The following HIP1 variants were observed in gnomAD, a reference collection of about 807,000 sequenced individuals.
HIP1 encodes the protein huntingtin interacting protein 1.
A neutral mutation model predicts 147.6 loss-of-function variants in HIP1; 65 were observed. The ratio of observed to expected loss-of-function variants is 0.44; its 90% CI spans 0.36 to 0.54. The LOEUF (loss-of-function observed/expected upper bound fraction) is 0.54, where lower values mean the gene tolerates loss of function less well. Among genes scored for constraint, HIP1 ranks in the 20% least tolerant of loss-of-function variants. The pLI is 0.00. For synonymous variants in HIP1, 479 were observed against 504.0 expected (o/e 0.95, Z 0.67); for missense variants, 1,061 against 1,299.6 (o/e 0.82, Z 2.82).
Position 75,706,620 on chromosome 7 carries a change from G to A in HIP1, c.120+32181C>T, listed in dbSNP as rs763534478. Among the ~76,000 whole-genome samples the A allele has an allele frequency of 3.9e-4, 47 of 122,056 alleles. 1 individual carries two copies. Among genetic ancestry groups the A allele is most frequent in the Non-Finnish European group, 6.5e-4 (40 of 61,350 alleles). The allele number at this position is 122,056 out of a possible 152,430, so 80.1% of individuals were successfully genotyped here. On this transcript the variant is annotated intron_variant, in intron 1 of 30. Coordinates refer to ENST00000336926, the MANE Select transcript of HIP1 (RefSeq NM_005338.7). ...GTTGGTTTCCTACACCCATCAACTC[G>A]TCATTTTTTTTTTTTTTTTTTTTTA...
intron 22 of HIP1, among the ~76,000 whole-genome samples, chr7:75,551,958 T>C (rs1202059777): frequency 4.0e-5 from 6 of 151,842 alleles, no homozygotes; most frequent in African/African-American, 1.5e-4. Flanking sequence ...GGCACGATCT[T>C]AGCTCACTGC....
intron 19 of HIP1, 103 bp from the exon 20 acceptor site, chr7:75,554,629 T>C (rs1794921548): frequency 5.2e-6 from 4 of 775,198 alleles, no homozygotes; most frequent in South Asian, 3.0e-5. Flanking sequence ...TGGGTAAGCT[T>C]CCTGCCTAGA....
intron 1 of HIP1, among the ~76,000 whole-genome samples, chr7:75,661,656 C>T (rs1320593550): frequency 1.3e-5 from 2 of 151,056 alleles, no homozygotes; most frequent in Non-Finnish European, 2.9e-5. Flanking sequence ...GGAGTGGGTC[C>T]AGTCCTGCCG....
At chr7:75,715,460 G>C (rs530079541) in intron 1 of HIP1, among the ~76,000 whole-genome samples, 2,017 of 90,280 alleles carry the variant, frequency 0.022, 20 homozygotes, top group African/African-American at 0.071. Context: ...GACACACACA[G>C]AGAGAGAGAG....
At chr7:75,712,866 TCA>T (rs1801202191) in intron 1 of HIP1, among the ~76,000 whole-genome samples, 2 of 152,230 alleles carry the variant, frequency 1.3e-5, no homozygotes, top group Non-Finnish European at 2.9e-5. Context: ...CTTCATTCAC[TCA>T]CTCATTCATT....
intron 1 of HIP1, among the ~76,000 whole-genome samples, chr7:75,680,906 G>T (rs1418275590): frequency 6.6e-6 from 1 of 152,132 alleles, no homozygotes; most frequent in Non-Finnish European, 1.5e-5. Flanking sequence ...CTCCCGAGTA[G>T]CTGGGACTAC....
chr7:75,581,177 G>A lies in HIP1; in HGVS notation c.604+60C>T. On this transcript the variant is annotated intron_variant, in intron 7 of 30. Coordinates refer to ENST00000336926, the MANE Select transcript of HIP1 (RefSeq NM_005338.7). ...TGCTGCACACTTTGCAGGGAGAGGA[G>A]GACTAGGAATTAGGTAGTTCCCATG... The A allele has an allele frequency of 2.3e-6, 3 of 1,278,816 alleles. No homozygotes were observed. In the South Asian group the frequency reaches 3.7e-5, roughly 16 times the overall value. 79.2% of individuals were successfully genotyped at this position (1,278,816 alleles called of 1,614,324 possible).
At chr7:75,679,828 C>A (rs772484927) in intron 1 of HIP1, among the ~76,000 whole-genome samples, 3 of 152,136 alleles carry the variant, frequency 2.0e-5, no homozygotes, top group Non-Finnish European at 2.9e-5. Context: ...ACGTCCATCT[C>A]TCTGACCTCC....
chr7:75,553,376 CA>C, intron 22 of HIP1, 76 bp downstream of exon 22: 2 of 1,523,660 alleles, frequency 1.3e-6, no homozygotes, highest in Non-Finnish European at 1.8e-6. Flanking sequence ...CTCAGAACAT[CA>C]CCGATTCCCT....
intron 1 of HIP1, among the ~76,000 whole-genome samples, chr7:75,688,461 G>A (rs562235653): frequency 1.3e-5 from 2 of 152,076 alleles, no homozygotes; most frequent in Non-Finnish European, 1.5e-5. Flanking sequence ...GGAGCCCCTC[G>A]ACGGGTGGGG....
At chr7:75,640,754 ATAATAAT>A (rs1361620110) in intron 1 of HIP1, among the ~76,000 whole-genome samples, 3 of 125,832 alleles carry the variant, frequency 2.4e-5, no homozygotes, top group African/African-American at 5.8e-5. Context: ...CTCCATCTCA[ATAATAAT>A]AATAATAATA....
In HIP1 at chr7:75,541,938, C is replaced by A. The variant is rs781980080; in HGVS notation, c.2933G>T (p.Arg978Leu). 6 of 1,613,500 alleles carry A rather than the reference C, an allele frequency of 3.7e-6. No individual in the cohort carries two copies. The highest frequency in any genetic ancestry group is 4.2e-6 in the Non-Finnish European group (5 of 1,179,454). ...FSSMTLTQIK[R>L]QEMDSQVRVL... The stretch of plus-strand genomic sequence containing the variant: ...TCTCACCTGAGAATCCATCTCTTGG[C>A]GTTTGATCTGTGTCAGCGTCATGCT... The change falls in exon 29 of 31, where the codon CGC (arginine) becomes CTC (leucine). Residue 978 changes from arginine to leucine, a missense_variant. Arg to Leu is a moderately radical substitution (Grantham distance 102). Around this residue, in one of 3 missense-constraint regions of HIP1, gnomAD observed 810 missense variants for 946.8 expected, o/e 0.86. Coordinates refer to ENST00000336926, the MANE Select transcript of HIP1 (RefSeq NM_005338.7).
chr7:75,553,760 T>C (rs587654682), intron 21 of HIP1, among the ~76,000 whole-genome samples, 171 bp from the exon 22 acceptor site: 167 of 152,270 alleles, frequency 1.1e-3, no homozygotes, highest in African/African-American at 3.8e-3. Context: ...TGCGCCACCA[T>C]GCCCGGCTAA....
intron 1 of HIP1, among the ~76,000 whole-genome samples, chr7:75,651,236 G>A (rs924676038): frequency 1.3e-5 from 2 of 151,706 alleles, no homozygotes; most frequent in African/African-American, 2.4e-5. Flanking sequence ...GAGGCAGGCC[G>A]ATCACGAGGT....
chr7:75,654,428 GATTC>G (rs1381361015), intron 1 of HIP1: 1 of 152,220 alleles, frequency 6.6e-6, no homozygotes, highest in Non-Finnish European at 1.5e-5. Context: ...TCACATGTCT[GATTC>G]ATTCATCAAA....
intron 19 of HIP1, among the ~76,000 whole-genome samples, chr7:75,555,003 C>T (rs1414214230): frequency 1.3e-5 from 2 of 151,938 alleles, no homozygotes; most frequent in Admixed American, 1.3e-4. Context: ...CCCAGGTCTT[C>T]AAGACCAGTC....
intron 1 of HIP1, among the ~76,000 whole-genome samples, chr7:75,718,537 C>T (rs1172478928): frequency 6.6e-6 from 1 of 152,142 alleles, no homozygotes; most frequent in Non-Finnish European, 1.5e-5. Context: ...GCAAAACAAA[C>T]AAATCAAGAT....
chr7:75,669,538 G>A (rs181304343), intron 1 of HIP1, among the ~76,000 whole-genome samples: 1 of 151,900 alleles, frequency 6.6e-6, no homozygotes, highest in East Asian at 1.9e-4. Context: ...CTCCTGCCTG[G>A]GTGATAGAGT....
rs201385751 is a variant in HIP1 at position 75,721,372 on chromosome 7, T to TA, written c.120+17428dup. Among the ~76,000 whole-genome samples, 46 of 148,666 alleles carry TA rather than the reference T, an allele frequency of 3.1e-4. 1 individual carries two copies. Among genetic ancestry groups the TA allele is most frequent in the Admixed American group, 2.2e-3 (32 of 14,838 alleles). ...CTGAGCAACAGAGCAGGACTCTATC[T>TA]AAAAAAAAAATTAGCTGGGCATAGT... On this transcript the variant is annotated intron_variant, in intron 1 of 30. Coordinates refer to ENST00000336926, the MANE Select transcript of HIP1 (RefSeq NM_005338.7).
Sources: gnomAD v4.1 joint callset for allele counts (sites outside exome capture counted in the v4.1 genomes callset) on GRCh38, gnomAD v4.1.1 for gene constraint, gnomAD v4.1.1 regional missense constraint, MANE v1.5 for transcripts, NCBI Gene and HGNC (gene_info 2026-07-23, HGNC 2026-07-21) for gene names.